Variants in IGF1 observed in about 807,000 individuals in gnomAD.
IGF1 encodes insulin-like growth factor 1.
In IGF1, 4 loss-of-function variants were observed where a neutral mutation model predicts 13.8. The ratio of observed to expected loss-of-function variants is 0.29; its 90% confidence interval spans 0.14 to 0.66. The LOEUF is 0.66. IGF1 is among the 30% of genes least tolerant of loss of function. IGF1 has a pLI of 0.78. For synonymous variants in IGF1, 76 were observed against 72.6 expected, an observed-to-expected ratio of 1.05 and a Z score of -0.23; for missense variants, 124 against 188.5, an observed-to-expected ratio of 0.66 and a Z score of 2.00.
intron 2 of IGF1, among the ~76,000 whole-genome samples, chr12:102,422,752 T>C (rs1875845212): frequency 6.6e-6 from 1 of 152,242 alleles, no homozygotes; most frequent in Non-Finnish European, 1.5e-5. Context: ...TTTCGACTAA[T>C]TTTTAAATGA....
Position 102,402,033 on chromosome 12 carries a change from C to G in IGF1, c.*474G>C, listed in dbSNP as rs1293821416. On this transcript the variant is annotated 3_prime_UTR_variant, in exon 4 of 4. Transcript: ENST00000337514. ...AAGGGAGGTGGTGGGTATAGACTAA[C>G]AAGATTATCAGACACTGTAAAACAA... is the stretch of plus-strand genomic sequence containing the variant. The G allele has an allele frequency of 6.5e-6, 1 of 154,326 alleles. No individual in the cohort carries two copies. The highest frequency in any genetic ancestry group is 2.4e-5 in the African/African-American group (1 of 41,538). The allele number at this position is 154,326 out of a possible 1,614,324, so 9.6% of individuals were successfully genotyped here.
chr12:102,479,048 T>G (rs1881247714), intron 1 of IGF1, among the ~76,000 whole-genome samples: 2 of 152,344 alleles, frequency 1.3e-5, no homozygotes, highest in Non-Finnish European at 2.9e-5. Flanking sequence ...GAAACAATTT[T>G]CTTAACTTGT....
intron 3 of IGF1, among the ~76,000 whole-genome samples, chr12:102,405,097 C>CT (rs999973962): frequency 7.4e-6 from 1 of 135,382 alleles, no homozygotes; most frequent in Admixed American, 7.3e-5. Flanking sequence ...TTCTTTCTTT[C>CT]TTTTTTTTGA....
chr12:102,414,430 A>AT (rs17886798), intron 3 of IGF1, among the ~76,000 whole-genome samples: 18 of 151,154 alleles, frequency 1.2e-4, no homozygotes, highest in African/African-American at 3.4e-4. Flanking sequence ...TTATTATTTA[A>AT]TTTTTTTTTG....
Position 102,470,890 on chromosome 12 carries a change from G to C in IGF1, c.220+4753C>G, listed in dbSNP as rs563611475. ...ATTTGTCCCCTCTAATTTAATAAAG[G>C]GCATCTAAAAATGTACATACTCACT... On this transcript the variant is annotated intron_variant, in intron 2 of 3. Transcript: ENST00000337514. Among the ~76,000 whole-genome samples the C allele has an allele frequency of 2.2e-4, 34 of 152,264 alleles. No individual in the cohort carries two copies. In the South Asian group the frequency reaches 6.0e-3, roughly 27 times the overall value.
At chr12:102,475,493 T>C (rs943078918) in intron 2 of IGF1, 150 bp downstream of exon 2, 6 of 887,132 alleles carry the variant, frequency 6.8e-6, no homozygotes, top group Non-Finnish European at 7.2e-6. Context: ...CAAAACACTA[T>C]GCTTACTTTA....
rs1324039747 is a variant in IGF1, at chr12:102,401,052, C to G, written c.*1455G>C. 2 of 152,210 alleles carry G rather than the reference C, an allele frequency of 1.3e-5. No individual in the cohort carries two copies. The highest frequency in any genetic ancestry group is 6.5e-5 in the Admixed American group (1 of 15,276). The allele number at this position is 152,210 out of a possible 1,614,324, so 9.4% of individuals were successfully genotyped here. A position where few individuals can be genotyped will look rare whatever the true frequency, so the allele number is the denominator to read the frequency against. On this transcript the variant is annotated 3_prime_UTR_variant, in exon 4 of 4. Coordinates refer to ENST00000337514, the MANE Select transcript of IGF1 (RefSeq NM_000618.5). Reference sequence around the variant, plus strand: ...TCAGGAGCATTCAATTCACCAATCTCTAGCTATGCTATGAATGGGTTATTT... The same window carrying G: ...TCAGGAGCATTCAATTCACCAATCTGTAGCTATGCTATGAATGGGTTATTT...
At chr12:102,448,175 C>T (rs1878527779) in intron 2 of IGF1, among the ~76,000 whole-genome samples, 1 of 149,604 alleles carries the variant, frequency 6.7e-6, no homozygotes, top group Non-Finnish European at 1.5e-5. Flanking sequence ...TTGACCCAGC[C>T]ATCCCATTAC....
Position 102,396,550 on chromosome 12 carries a change from G to T in IGF1, c.*5957C>A. ...AGTGGGGTCAATGGGTGGCTTGAAA[G>T]GGATTTTAGAGCTCTGTTTTTATTT... On this transcript the variant is annotated 3_prime_UTR_variant, in exon 4 of 4. Coordinates refer to ENST00000337514, the MANE Select transcript of IGF1 (RefSeq NM_000618.5). 1 of 229,626 alleles carries T rather than the reference G, an allele frequency of 4.4e-6. No homozygotes were observed. Among genetic ancestry groups the T allele is most frequent in the Non-Finnish European group, 8.4e-6 (1 of 119,234 alleles). The allele number at this position is 229,626 out of a possible 1,614,324, so 14.2% of individuals were successfully genotyped here. A position where few individuals can be genotyped will look rare whatever the true frequency, so the allele number is the denominator to read the frequency against.
chr12:102,454,271 A>G (rs1879199790), intron 2 of IGF1, among the ~76,000 whole-genome samples: 1 of 152,232 alleles, frequency 6.6e-6, no homozygotes. Flanking sequence ...CTTCACAGGC[A>G]TCATGGCAAG....
intron 2 of IGF1, among the ~76,000 whole-genome samples, chr12:102,473,090 CTA>C (rs1880788510): frequency 6.6e-6 from 1 of 152,162 alleles, no homozygotes; most frequent in Admixed American, 6.5e-5. Context: ...TGGGCAGCTA[CTA>C]TAGCATCCAG....
intron 3 of IGF1, chr12:102,417,870 C>T (rs1188704136): frequency 1.2e-6 from 2 of 1,613,986 alleles, no homozygotes; most frequent in Non-Finnish European, 8.5e-7. Flanking sequence ...AATCTCCCTC[C>T]TCTGCTCTTT....
At chr12:102,435,012 CAA>C (rs1877099772) in intron 2 of IGF1, among the ~76,000 whole-genome samples, 1 of 152,012 alleles carries the variant, frequency 6.6e-6, no homozygotes. Flanking sequence ...TTAAAAATAA[CAA>C]TATAACAATT....
intron 2 of IGF1, chr12:102,463,133 T>A (rs1880053275): frequency 6.6e-6 from 1 of 152,190 alleles, no homozygotes; most frequent in Non-Finnish European, 1.5e-5. Context: ...TGGCAGCTGA[T>A]GAAACCAGGA....
chr12:102,404,454 CA>C (rs1873961499), intron 3 of IGF1, among the ~76,000 whole-genome samples: 1 of 152,170 alleles, frequency 6.6e-6, no homozygotes, highest in Non-Finnish European at 1.5e-5. Context: ...GAGTTATCAC[CA>C]AGTCCTTCAT....
intron 3 of IGF1, among the ~76,000 whole-genome samples, chr12:102,410,980 G>T (rs1874586536): frequency 6.6e-6 from 1 of 152,148 alleles, no homozygotes; most frequent in Admixed American, 6.5e-5. Context: ...GCAGAGAATG[G>T]CTCAAGAACA....
At chr12:102,459,378 C>A (rs1879712975) in intron 2 of IGF1, among the ~76,000 whole-genome samples, 1 of 152,104 alleles carries the variant, frequency 6.6e-6, no homozygotes, top group East Asian at 1.9e-4. Context: ...CGGCTGGCCT[C>A]AAGCAGTCTT....
In IGF1 at chr12:102,475,793, T is replaced by A. The variant is rs1216360165; in HGVS notation, c.70A>T (p.Met24Leu). The change falls in exon 2 of 4, where the codon ATG (methionine) becomes TTG (leucine). Residue 24 changes from methionine (M) to leucine (L), a missense_variant. Coordinates refer to ENST00000337514, the MANE Select transcript of IGF1 (RefSeq NM_000618.5). Reference sequence around the variant, plus strand: ...AGATGCGAGGAGGACATGGTGTGCATCTTCACCTGCCCAAGAAACAGAGGG... The same window carrying A: ...AGATGCGAGGAGGACATGGTGTGCAACTTCACCTGCCCAAGAAACAGAGGG... The part of the protein sequence containing the change: ...CCFCDFLKVK[M>L]HTMSSSHLFY... 3 of 1,612,910 alleles carry A rather than the reference T, an allele frequency of 1.9e-6. No homozygotes were observed. Among genetic ancestry groups the A allele is most frequent in the Non-Finnish European group, 2.5e-6 (3 of 1,179,440 alleles).
intron 2 of IGF1, among the ~76,000 whole-genome samples, chr12:102,468,839 T>G (rs1305909551): frequency 1.3e-5 from 2 of 152,212 alleles, no homozygotes; most frequent in African/African-American, 4.8e-5. Context: ...TCGAGAACAA[T>G]GAGACATCTC....
Sources: allele counts gnomAD v4.1 joint callset (sites outside exome capture counted in the v4.1 genomes callset), GRCh38; gene constraint gnomAD v4.1.1; transcripts MANE v1.5; gene names NCBI Gene and HGNC (gene_info 2026-07-23, HGNC 2026-07-21).